Variants in ERICH2 observed in about 807,000 individuals in gnomAD.
ERICH2 encodes glutamate-rich protein 2.
A neutral mutation model predicts 17.4 loss-of-function variants in ERICH2; 17 were observed. That is an observed-to-expected ratio of 0.98 (90% CI 0.67 to 1.47). The LOEUF (loss-of-function observed/expected upper bound fraction) is 1.47, where lower values mean the gene tolerates loss of function less well. Among genes scored for constraint, ERICH2 ranks in the 40% most tolerant of loss-of-function variants. The probability of loss-of-function intolerance (pLI) is 0.00; values close to 1 mark genes in which losing one functional copy is unlikely to be tolerated. For synonymous variants in ERICH2, 51 were observed against 61.1 expected (o/e 0.83, Z 0.77); for missense variants, 186 against 183.2 (o/e 1.01, Z -0.09).
At chr2:170,791,886 TG>T (rs1701299731) in intron 2 of ERICH2, among the ~76,000 whole-genome samples, 1 of 152,138 alleles carries the variant, frequency 6.6e-6, no homozygotes, top group Non-Finnish European at 1.5e-5. Flanking sequence ...AAACAGTGTC[TG>T]GGTATTTATC....
At chr2:170,788,034 ACTTCT>A (rs1464659002) in intron 2 of ERICH2, among the ~76,000 whole-genome samples, 1 of 152,250 alleles carries the variant, frequency 6.6e-6, no homozygotes, top group Non-Finnish European at 1.5e-5. Context: ...ATGCTTATGT[ACTTCT>A]CTTCTTAGAT....
At chr2:170,790,774 A>C (rs1168801183) in intron 2 of ERICH2, among the ~76,000 whole-genome samples, 4 of 151,504 alleles carry the variant, frequency 2.6e-5, no homozygotes, top group Non-Finnish European at 4.4e-5. Context: ...ACTGCACTCC[A>C]GCCTGGGCAA....
chr2:170,778,640 AAG>A, the ERICH2 span, among the ~76,000 whole-genome samples: 3 of 152,168 alleles, frequency 2.0e-5, no homozygotes, highest in Admixed American at 6.5e-5. Context: ...ACCAGAAAAA[AAG>A]AGCCTTGTTA....
At chr2:170,777,709 G>C in the ERICH2 span, 1 of 1,224,474 alleles carries the variant, frequency 8.2e-7, no homozygotes, top group Non-Finnish European at 1.0e-6. Context: ...TTGTGCAGCT[G>C]ATCTCTCCCA....
chr2:170,789,390 C>T (rs924203284), intron 2 of ERICH2, among the ~76,000 whole-genome samples: 3 of 152,172 alleles, frequency 2.0e-5, no homozygotes, highest in Admixed American at 6.5e-5. Flanking sequence ...CTTATCACAA[C>T]TAAGAAAATT....
rs368935150 is a variant in ERICH2, at chr2:170,783,882, G to A, written c.28+16G>A. ...CCAGAAACAGGTAGACAGATGGCCT[G>A]AATAACACAACCGTCATACTCTTGG... On this transcript the variant is annotated intron_variant, in intron 1 of 4. Transcript: ENST00000409885. 357 of 1,550,486 alleles carry A rather than the reference G, an allele frequency of 2.3e-4. 4 individuals carry two copies. The South Asian group carries it at 4.0e-3, about 17-fold the overall frequency.
chr2:170,775,248 T>C, the ERICH2 span, among the ~76,000 whole-genome samples: 37,478 of 150,776 alleles, frequency 0.25, 5,108 homozygotes, highest in South Asian at 0.36. Flanking sequence ...GGCAACAAAG[T>C]GAGACCCTGT....
At chr2:170,775,647 T>C in the ERICH2 span, 1 of 152,360 alleles carries the variant, frequency 6.6e-6, no homozygotes, top group Non-Finnish European at 1.5e-5. Flanking sequence ...CTTTCATTTA[T>C]CCTAGAGTTT....
chr2:170,789,185 G>C (rs1701226129), intron 2 of ERICH2, among the ~76,000 whole-genome samples: 1 of 149,562 alleles, frequency 6.7e-6, no homozygotes. Context: ...GGCTGGTCTC[G>C]AACTCCTGGC....
chr2:170,777,697 G>C, the ERICH2 span: 2 of 1,231,800 alleles, frequency 1.6e-6, no homozygotes, highest in Non-Finnish European at 1.0e-6. Context: ...AGATGTCTTT[G>C]ATTGTGCAGC....
chr2:170,798,512 G>C (rs150677339), intron 4 of ERICH2, among the ~76,000 whole-genome samples: 3 of 151,980 alleles, frequency 2.0e-5, no homozygotes, highest in Non-Finnish European at 2.9e-5. Context: ...CTATGAAATC[G>C]TTAAATAGAA....
intron 2 of ERICH2, among the ~76,000 whole-genome samples, chr2:170,790,202 A>G (rs1297279734): frequency 6.6e-6 from 1 of 152,280 alleles, no homozygotes; most frequent in Non-Finnish European, 1.5e-5. Flanking sequence ...AGAAAAATAA[A>G]AAATAAACTT....
At chr2:170,795,790 G>T (rs1233042010) in intron 3 of ERICH2, among the ~76,000 whole-genome samples, 2 of 152,176 alleles carry the variant, frequency 1.3e-5, no homozygotes, top group Admixed American at 6.5e-5. Context: ...AAAGCCTGCA[G>T]CTCAGTCTCT....
upstream of ERICH2, chr2:170,782,230 C>CT: frequency 2.3e-6 from 2 of 886,974 alleles, no homozygotes; most frequent in Non-Finnish European, 2.7e-6. Context: ...TTTTCACTGT[C>CT]TAACATATAG....
At chr2:170,798,174 C>A in intron 4 of ERICH2, 62 bp downstream of exon 9, 1 of 1,105,948 alleles carries the variant, frequency 9.0e-7, no homozygotes, top group Non-Finnish European at 1.3e-6. Context: ...CTTTAAAAAC[C>A]CATTATCCCG....
chr2:170,791,341 C>T (rs1701283111), intron 2 of ERICH2, among the ~76,000 whole-genome samples: 4 of 152,060 alleles, frequency 2.6e-5, no homozygotes, highest in Non-Finnish European at 4.4e-5. Context: ...CAAAATTTTA[C>T]CCTCATGATG....
At chr2:170,783,937 A>C (rs1232452683) in intron 1 of ERICH2, 1 of 1,548,750 alleles carries the variant, frequency 6.5e-7, no homozygotes, top group Non-Finnish European at 8.7e-7. Context: ...TCAGGGTAGC[A>C]TTTTGGGTTT....
chr2:170,788,347 T>C (rs779325340), intron 2 of ERICH2, among the ~76,000 whole-genome samples: 23 of 152,242 alleles, frequency 1.5e-4, no homozygotes, highest in Non-Finnish European at 3.1e-4. Flanking sequence ...ATAAAAGTTA[T>C]CCATTAATTC....
chr2:170,798,340 C>A (rs551395380), intron 4 of ERICH2, among the ~76,000 whole-genome samples: 3 of 152,232 alleles, frequency 2.0e-5, no homozygotes, highest in Non-Finnish European at 4.4e-5. Context: ...TCCCTGGGCA[C>A]CAGGCATCAG....
Sources: gnomAD v4.1 joint callset for allele counts (sites outside exome capture counted in the v4.1 genomes callset) on GRCh38, gnomAD v4.1.1 for gene constraint, MANE v1.5 for transcripts, NCBI Gene and HGNC (gene_info 2026-07-23, HGNC 2026-07-21) for gene names.